ANTXR1: variants seen among roughly 807,000 people sequenced by gnomAD.
ANTXR1 encodes the protein ANTXR cell adhesion molecule 1.
Under a neutral mutation model 78.1 loss-of-function variants are expected in ANTXR1, and 19 were observed. That is an observed-to-expected ratio of 0.24 (90% CI 0.17 to 0.36). ANTXR1 has a LOEUF of 0.36. Among genes scored for constraint, ANTXR1 ranks in the 10% least tolerant of loss-of-function variants. The pLI is 1.00. For synonymous variants in ANTXR1, 273 were observed against 260.5 expected (o/e 1.05, Z -0.46); for missense variants, 518 against 718.6 (o/e 0.72, Z 3.19).
At position 69,073,044 on chromosome 2, in the gene ANTXR1, C is replaced by T; in HGVS notation, c.435C>T (p.Ile145=). The change falls in exon 6 of 18, where the codon ATC becomes ATT. Residue 145 remains isoleucine, a synonymous_variant. Transcript: ENST00000303714. The part of the protein sequence containing the change: ...NRQGYRTASV[I]IALTDGELHE... ...CAGGGTACAGGACAGCCAGCGTCAT[C>T]ATTGCTTTGACTGATGGAGAACTCC... 1.9e-6 allele frequency: 3 copies of T among 1,614,094 alleles called. No individual in the cohort carries two copies. In the South Asian group the frequency reaches 3.3e-5, roughly 18 times the overall value.
At chr2:69,098,361 A>G (rs1414432887) in intron 9 of ANTXR1, among the ~76,000 whole-genome samples, 2 of 152,220 alleles carry the variant, frequency 1.3e-5, no homozygotes, top group African/African-American at 2.4e-5. Context: ...TTGATGTTCC[A>G]TACCACATTA....
At chr2:69,165,391 A>G (rs1395318203) in intron 13 of ANTXR1, among the ~76,000 whole-genome samples, 1 of 152,246 alleles carries the variant, frequency 6.6e-6, no homozygotes, top group African/African-American at 2.4e-5. Context: ...AATACAACTT[A>G]AGAAGAAAGG....
rs1372662686 is a variant in ANTXR1, at chr2:69,246,785, G to T, written c.*1300G>T. On this transcript the variant is annotated 3_prime_UTR_variant, in exon 18 of 18. Coordinates refer to ENST00000303714, the MANE Select transcript of ANTXR1 (RefSeq NM_032208.3). ...CCCTATAATCACTTGCTAAACACTG[G>T]GCTTCATCACCCAGGGATAAAAACA... The T allele has an allele frequency of 6.6e-6, 1 of 151,996 alleles. No homozygotes were observed. The highest frequency in any genetic ancestry group is 2.4e-5 in the African/African-American group (1 of 41,364). The allele number at this position is 151,996 out of a possible 1,614,324, so 9.4% of individuals were successfully genotyped here.
At position 69,070,073 on chromosome 2, in the gene ANTXR1, G is replaced by A. The variant is rs553049540; in HGVS notation, c.297-574G>A. Among the ~76,000 whole-genome samples the A allele has an allele frequency of 1.4e-4, 22 of 152,280 alleles. No homozygotes were observed. In the South Asian group the frequency reaches 2.5e-3, roughly 17 times the overall value. Reference sequence around the variant, plus strand: ...ACTGCCAGTTGAACTCTTCCTGCCCGCACTGTCACCTTGAACAATCAGAGT... The same window carrying A: ...ACTGCCAGTTGAACTCTTCCTGCCCACACTGTCACCTTGAACAATCAGAGT... On this transcript the variant is annotated intron_variant, in intron 3 of 17. Coordinates refer to ENST00000303714, the MANE Select transcript of ANTXR1 (RefSeq NM_032208.3).
chr2:69,193,713 G>A (rs1674598622), intron 17 of ANTXR1, among the ~76,000 whole-genome samples: 1 of 152,216 alleles, frequency 6.6e-6, no homozygotes. Context: ...TAGAATTTGA[G>A]CTTCTCAATG....
chr2:69,115,848 GC>G (rs1280883361), intron 10 of ANTXR1, among the ~76,000 whole-genome samples: 9 of 152,188 alleles, frequency 5.9e-5, no homozygotes, highest in African/African-American at 9.7e-5. Context: ...GAGGGTATGG[GC>G]CATGTCTAAG....
intron 16 of ANTXR1, among the ~76,000 whole-genome samples, chr2:69,189,700 A>T (rs560374965): frequency 8.5e-5 from 13 of 152,174 alleles, no homozygotes; most frequent in Non-Finnish European, 1.9e-4. Flanking sequence ...CATTAACGAG[A>T]CACGGTTGAT....
chr2:69,073,222 A>G (rs1265772418), intron 6 of ANTXR1, 121 bp downstream of exon 6: 2 of 815,748 alleles, frequency 2.5e-6, no homozygotes, highest in East Asian at 2.6e-5. Context: ...TGAATGAAAT[A>G]GAGTTTCATA....
At chr2:69,218,356 G>GA (rs1236610768) in intron 17 of ANTXR1, among the ~76,000 whole-genome samples, 1 of 151,710 alleles carries the variant, frequency 6.6e-6, no homozygotes, top group East Asian at 1.9e-4. Context: ...TTCAGTTCTG[G>GA]AAAAAAAGGG....
intron 1 of ANTXR1, among the ~76,000 whole-genome samples, chr2:69,025,821 C>T (rs1036434068): frequency 6.6e-6 from 1 of 152,216 alleles, no homozygotes; most frequent in Admixed American, 6.5e-5. Flanking sequence ...GTTGTCCCAG[C>T]ATAATTATGA....
chr2:69,080,173 A>G (rs1474144946), intron 8 of ANTXR1, among the ~76,000 whole-genome samples: 1 of 152,206 alleles, frequency 6.6e-6, no homozygotes, highest in African/African-American at 2.4e-5. Context: ...GCAGTTGTTC[A>G]TTCGTTTGCT....
intron 3 of ANTXR1, 152 bp downstream of exon 3, chr2:69,044,965 A>G (rs2104091611): frequency 1.4e-6 from 1 of 717,220 alleles, no homozygotes; most frequent in South Asian, 1.6e-5. Flanking sequence ...GTATGGGCAC[A>G]TGGGTCCTGC....
At chr2:69,213,381 A>C (rs1326446345) in intron 17 of ANTXR1, among the ~76,000 whole-genome samples, 4 of 152,246 alleles carry the variant, frequency 2.6e-5, no homozygotes, top group Non-Finnish European at 5.9e-5. Context: ...GGGAGACACA[A>C]GAAACATTCC....
At chr2:69,023,345 G>C (rs954428109) in intron 1 of ANTXR1, among the ~76,000 whole-genome samples, 8 of 152,028 alleles carry the variant, frequency 5.3e-5, no homozygotes, top group African/African-American at 1.9e-4. Context: ...AGTGATAGTG[G>C]TGATTATGGC....
intron 13 of ANTXR1, among the ~76,000 whole-genome samples, chr2:69,169,290 C>G (rs1254952338): frequency 6.6e-6 from 1 of 152,252 alleles, no homozygotes; most frequent in Non-Finnish European, 1.5e-5. Flanking sequence ...CAGAAGTCCT[C>G]TAAGTAAAAG....
At chr2:69,046,439 C>T (rs117782676) in intron 3 of ANTXR1, among the ~76,000 whole-genome samples, 5,419 of 152,266 alleles carry the variant, frequency 0.036, 288 homozygotes, top group East Asian at 0.22. Context: ...TGTACCTTAA[C>T]GTCACTACTG....
chr2:69,096,270 A>C (rs1048130869), intron 9 of ANTXR1, among the ~76,000 whole-genome samples: 2 of 8,254 alleles, frequency 2.4e-4, no homozygotes, highest in Non-Finnish European at 3.5e-4. Context: ...GGAAGGAAGG[A>C]AGGAAGGAAG....
chr2:69,152,932 C>T (rs1004708234), intron 13 of ANTXR1, among the ~76,000 whole-genome samples: 4 of 152,128 alleles, frequency 2.6e-5, no homozygotes, highest in Admixed American at 1.3e-4. Flanking sequence ...TCCACCCTGA[C>T]GATAATCCCA....
At chr2:69,077,328 A>C in intron 7 of ANTXR1, 80 bp from the exon 8 acceptor site, 1 of 1,481,724 alleles carries the variant, frequency 6.7e-7, no homozygotes, top group Non-Finnish European at 9.4e-7. Context: ...AGAGCCCCTT[A>C]GCCCCAACGG....
Sources: gnomAD v4.1 joint callset for allele counts (sites outside exome capture counted in the v4.1 genomes callset) on GRCh38, gnomAD v4.1.1 for gene constraint, MANE v1.5 for transcripts, NCBI Gene and HGNC (gene_info 2026-07-23, HGNC 2026-07-21) for gene names.